LRRC41: variants seen among roughly 807,000 people sequenced by gnomAD.
LRRC41 encodes the protein leucine-rich repeat-containing protein 41.
A neutral mutation model predicts 72.1 loss-of-function variants in LRRC41; 17 were observed. That is an observed-to-expected ratio of 0.24 (90% confidence interval 0.16 to 0.35). The LOEUF is 0.35. LRRC41 is among the 10% of genes least tolerant of loss of function. The probability of loss-of-function intolerance (pLI) is 1.00; values close to 1 mark genes in which losing one functional copy is unlikely to be tolerated. For synonymous variants in LRRC41, 427 were observed against 431.0 expected (o/e 0.99, Z 0.11); for missense variants, 759 against 1,065.0 (o/e 0.71, Z 4.00).
intron 3 of LRRC41, among the ~76,000 whole-genome samples, chr1:46,293,352 G>A: frequency 6.6e-6 from 1 of 151,832 alleles, no homozygotes; most frequent in Non-Finnish European, 1.5e-5. Context: ...TGATCCTCCT[G>A]CCTCAGCCTC....
intron 3 of LRRC41, among the ~76,000 whole-genome samples, chr1:46,289,535 G>T (rs908761271): frequency 6.6e-6 from 1 of 152,162 alleles, no homozygotes; most frequent in Non-Finnish European, 1.5e-5. Flanking sequence ...GCCGAGGCGG[G>T]GGGGATCACA....
At position 46,278,469 on chromosome 1, in the gene LRRC41, G is replaced by T. The variant is rs1247462923; in HGVS notation, c.*396C>A. 5 of 745,986 alleles carry T rather than the reference G, an allele frequency of 6.7e-6. No individual in the cohort carries two copies. The African/African-American group carries it at 8.8e-5, about 13-fold the overall frequency. 46.2% of individuals were successfully genotyped at this position (745,986 alleles called of 1,614,324 possible). A position where few individuals can be genotyped will look rare whatever the true frequency, so the allele number is the denominator to read the frequency against. Reference sequence around the variant, plus strand: ...TAAAAAAAAGAATAAAGGTATGAAAGGGTTTGAGGCCTGAGAGCAGTGTGG... The same window carrying T: ...TAAAAAAAAGAATAAAGGTATGAAATGGTTTGAGGCCTGAGAGCAGTGTGG... On this transcript the variant is annotated 3_prime_UTR_variant, in exon 10 of 10. Transcript: ENST00000617190.
At chr1:46,284,004 A>G (rs1660834470) in intron 4 of LRRC41, among the ~76,000 whole-genome samples, 2 of 152,156 alleles carry the variant, frequency 1.3e-5, no homozygotes, top group South Asian at 2.1e-4. Context: ...AATTTAATGA[A>G]CAGCAGTAAA....
rs1452231182 is a variant in LRRC41, at chr1:46,280,176, T to C, written c.2020+16A>G. ...GAAGACCCAGGAAATGTCCAGGTTC[T>C]GAATAAGGAACTTACCTTGCAGAGT... On this transcript the variant is annotated intron_variant, in intron 7 of 9. Coordinates refer to ENST00000617190, the MANE Select transcript of LRRC41 (RefSeq NM_006369.5). 27 of 1,602,174 alleles carry C rather than the reference T, an allele frequency of 1.7e-5. No homozygotes were observed. The highest frequency in any genetic ancestry group is 2.2e-5 in the Non-Finnish European group (26 of 1,169,090).
At chr1:46,281,709 C>A (rs899851165) in intron 4 of LRRC41, among the ~76,000 whole-genome samples, 1 of 152,174 alleles carries the variant, frequency 6.6e-6, no homozygotes, top group Non-Finnish European at 1.5e-5. Flanking sequence ...CTCTGGATTT[C>A]TGGGTTCTGA....
At chr1:46,297,265 AT>A (rs1429986949) in intron 3 of LRRC41, 1 of 275,280 alleles carries the variant, frequency 3.6e-6, no homozygotes, top group African/African-American at 2.2e-5. Flanking sequence ...ATTAAATTTC[AT>A]TTTGTTAGAT....
Position 46,278,779 on chromosome 1 carries a change from ACTG to A in LRRC41, c.*83_*85del. The A allele has an allele frequency of 7.9e-7, 1 of 1,259,506 alleles. No homozygotes were observed. The highest frequency in any genetic ancestry group is 1.1e-6 in the Non-Finnish European group (1 of 880,636). 78.0% of individuals were successfully genotyped at this position (1,259,506 alleles called of 1,614,324 possible). ...AAGGTGACAGAAAGAGAAAGATAGA[ACTG>A]GTGGTTGGGGTTCTGGGCAGCCCAT... On this transcript the variant is annotated 3_prime_UTR_variant, in exon 10 of 10. Transcript: ENST00000617190.
Position 46,302,184 on chromosome 1 carries a change from C to G in LRRC41, c.199+940G>C. The G allele has an allele frequency of 6.1e-6, 6 of 985,408 alleles. No individual in the cohort carries two copies. Among genetic ancestry groups the G allele is most frequent in the Non-Finnish European group, 7.2e-6 (6 of 829,896 alleles). The allele number at this position is 985,408 out of a possible 1,614,324, so 61.0% of individuals were successfully genotyped here. On this transcript the variant is annotated intron_variant, in intron 1 of 9. Coordinates refer to ENST00000617190, the MANE Select transcript of LRRC41 (RefSeq NM_006369.5). This position sits in a 1 kb window ranked among gnomAD's most constrained non-coding sequence, Gnocchi z 4.7. ...CGGCCGCCTTCAGGCCTGGGGCCCC[C>G]GTTCACTCCCATTCAGCCCAAGGCC...
chr1:46,290,261 G>A (rs534087230), intron 3 of LRRC41, among the ~76,000 whole-genome samples: 3 of 152,264 alleles, frequency 2.0e-5, no homozygotes, highest in South Asian at 2.1e-4. Flanking sequence ...TAGAAAAAAT[G>A]TAGCTGGGCA....
At chr1:46,281,093 G>A (rs1557712677) in intron 5 of LRRC41, 32 bp downstream of exon 5, 1 of 1,609,340 alleles carries the variant, frequency 6.2e-7, no homozygotes. Context: ...ACACGTGCGT[G>A]CACACACACA....
Position 46,286,580 on chromosome 1 carries a change from A to G in LRRC41, c.358-81T>C. 7.8e-7 allele frequency: 1 copy of G among 1,279,332 alleles called. No homozygotes were observed. The highest frequency in any genetic ancestry group is 1.1e-6 in the Non-Finnish European group (1 of 923,580). 79.2% of individuals were successfully genotyped at this position (1,279,332 alleles called of 1,614,324 possible). On this transcript the variant is annotated intron_variant, in intron 3 of 9. Coordinates refer to ENST00000617190, the MANE Select transcript of LRRC41 (RefSeq NM_006369.5). This position sits in a 1 kb window ranked among gnomAD's most constrained non-coding sequence, Gnocchi z 5.5. ...TTTCCCTCTCTTCCAATAGCACACT[A>G]TTTACTGAGTCAGGCAACACTACAA... is the stretch of plus-strand genomic sequence containing the variant.
Position 46,278,740 on chromosome 1 carries a change from G to T in LRRC41, c.*125C>A. ...CAGGACCTCAGTGCAAGGGAAGAAG[G>T]AAAAAAGAGAAAAAAGGTGACAGAA... On this transcript the variant is annotated 3_prime_UTR_variant, in exon 10 of 10. Coordinates refer to ENST00000617190, the MANE Select transcript of LRRC41 (RefSeq NM_006369.5). 1 of 979,156 alleles carries T rather than the reference G, an allele frequency of 1.0e-6. No homozygotes were observed. The highest frequency in any genetic ancestry group is 1.5e-6 in the Non-Finnish European group (1 of 659,570). 60.7% of individuals were successfully genotyped at this position (979,156 alleles called of 1,614,324 possible). A position where few individuals can be genotyped will look rare whatever the true frequency, so the allele number is the denominator to read the frequency against.
At chr1:46,301,974 G>A (rs1452926069) in intron 1 of LRRC41, 1 of 985,382 alleles carries the variant, frequency 1.0e-6, no homozygotes, top group Non-Finnish European at 1.2e-6. Context: ...GCTTGGCAGA[G>A]CCTCACTTTC....
At chr1:46,284,717 T>C (rs1660848746) in intron 4 of LRRC41, among the ~76,000 whole-genome samples, 1 of 152,060 alleles carries the variant, frequency 6.6e-6, no homozygotes, top group Admixed American at 6.6e-5. Flanking sequence ...AGGTCATCCC[T>C]GAGAAGGGAA....
chr1:46,278,516 C>A lies in LRRC41; in HGVS notation c.*349G>T. The A allele has an allele frequency of 1.6e-6, 1 of 628,674 alleles. No homozygotes were observed. Among genetic ancestry groups the A allele is most frequent in the Non-Finnish European group, 2.8e-6 (1 of 363,338 alleles). 38.9% of individuals were successfully genotyped at this position (628,674 alleles called of 1,614,324 possible). ...GTGGTAAGCCCAGCAGGGAAGAAGC[C>A]CCCTATACTTCTCTAAAGCCTGGGT... On this transcript the variant is annotated 3_prime_UTR_variant, in exon 10 of 10. Transcript: ENST00000617190.
At position 46,278,838 on chromosome 1, in the gene LRRC41, G is replaced by A. The variant is rs756504832; in HGVS notation, c.*27C>T. On this transcript the variant is annotated 3_prime_UTR_variant, in exon 10 of 10. Transcript: ENST00000617190. ...AGCCCCTGCAAGCTGATGGTACCGA[G>A]CATGAGACTGTGAGGTACGGGCCCC... 8.1e-6 allele frequency: 13 copies of A among 1,597,500 alleles called. No homozygotes were observed. The African/African-American group carries it at 1.6e-4, about 20-fold the overall frequency.
At position 46,285,811 on chromosome 1, in the gene LRRC41, T is replaced by A. The variant is rs958725893; in HGVS notation, c.1046A>T (p.His349Leu). The change falls in exon 4 of 10, where the codon CAT becomes CTT. Residue 349 changes from histidine to leucine, a missense_variant. His to Leu is a moderately conservative substitution (Grantham distance 99). Coordinates refer to ENST00000617190, the MANE Select transcript of LRRC41 (RefSeq NM_006369.5). This position sits in a 1 kb window ranked among gnomAD's most constrained non-coding sequence, Gnocchi z 5.3. ...KRELHPPATS[H>L]EAPGTKRSPS... ...TGACCGCTTGGTGCCAGGAGCCTCA[T>A]GGGAGGTGGCTGGGGGGTGCAGCTC... is the stretch of plus-strand genomic sequence containing the variant. 21 of 1,595,396 alleles carry A rather than the reference T, an allele frequency of 1.3e-5. No individual in the cohort carries two copies. The highest frequency in any genetic ancestry group is 1.8e-5 in the Non-Finnish European group (21 of 1,171,908).
In LRRC41 at chr1:46,298,483, T is replaced by C. The variant is rs990473348; in HGVS notation, c.200-113A>G. 3.2e-6 allele frequency: 2 copies of C among 626,904 alleles called. No homozygotes were observed. Among genetic ancestry groups the C allele is most frequent in the African/African-American group, 3.7e-5 (2 of 53,616 alleles). 38.8% of individuals were successfully genotyped at this position (626,904 alleles called of 1,614,324 possible). On this transcript the variant is annotated intron_variant, in intron 1 of 9. Transcript: ENST00000617190. ...GAAAATGGAAGGGTAGACTTCTCAT[T>C]TGACAAATGGAACCTCTAGAAGCTA... is the stretch of plus-strand genomic sequence containing the variant.
At chr1:46,296,115 A>G (rs1327490272) in intron 3 of LRRC41, among the ~76,000 whole-genome samples, 2 of 152,134 alleles carry the variant, frequency 1.3e-5, no homozygotes, top group Admixed American at 1.3e-4. Context: ...AGATTTCCCT[A>G]TTAAACTGGT....
Sources: allele counts gnomAD v4.1 joint callset (sites outside exome capture counted in the v4.1 genomes callset), GRCh38; gene constraint gnomAD v4.1.1; non-coding constraint Gnocchi (gnomAD v3.1); transcripts MANE v1.5; gene names NCBI Gene and HGNC (gene_info 2026-07-23, HGNC 2026-07-21).